Variants in CEP350 observed in about 807,000 individuals in gnomAD.
The protein encoded by CEP350 is centrosomal protein 350, also known as centrosome-associated protein 350.
Under a neutral mutation model 331.8 loss-of-function variants are expected in CEP350, and 126 were observed. The ratio of observed to expected loss-of-function variants is 0.38; its 90% CI spans 0.33 to 0.44. CEP350 has a LOEUF of 0.44. Ranked by LOEUF, CEP350 falls within the 20% of genes least tolerant of loss-of-function variation. The probability of loss-of-function intolerance (pLI) is 1.00; values close to 1 mark genes in which losing one functional copy is unlikely to be tolerated. For missense variants in CEP350, 3,406 were observed against 3,634.6 expected, an observed-to-expected ratio of 0.94 and a Z score of 1.62; for synonymous variants, 1,200 against 1,259.5, an observed-to-expected ratio of 0.95 and a Z score of 1.00.
chr1:180,009,639 C>G (rs1654496082), intron 8 of CEP350, among the ~76,000 whole-genome samples: 1 of 152,100 alleles, frequency 6.6e-6, no homozygotes, highest in South Asian at 2.1e-4. Flanking sequence ...GTATAAATTA[C>G]TATCCAGTGT....
intron 29 of CEP350, 144 bp from the exon 30 acceptor site, chr1:180,080,373 T>A: frequency 1.4e-6 from 1 of 704,136 alleles, no homozygotes; most frequent in Non-Finnish European, 2.2e-6. Context: ...GTTGAATAAT[T>A]TGTAAACTTT....
intron 6 of CEP350, among the ~76,000 whole-genome samples, chr1:180,001,793 T>C (rs1653883740): frequency 6.6e-6 from 1 of 152,170 alleles, no homozygotes; most frequent in Non-Finnish European, 1.5e-5. Context: ...ATAAATAATA[T>C]TGTCTCTCCC....
intron 1 of CEP350, chr1:179,968,683 C>T (rs2148579989): frequency 1.9e-6 from 1 of 520,120 alleles, no homozygotes; most frequent in South Asian, 1.5e-5. Context: ...ATCCAGAGGC[C>T]TTGATGTCCT....
intron 16 of CEP350, among the ~76,000 whole-genome samples, chr1:180,036,607 CA>C (rs1387327805): frequency 1.3e-5 from 2 of 152,070 alleles, no homozygotes; most frequent in African/African-American, 4.8e-5. Flanking sequence ...TTTAGCAATA[CA>C]GTATTTTTAA....
Position 180,092,642 on chromosome 1 carries a change from A to G in CEP350, c.6537A>G (p.Ser2179=), listed in dbSNP as rs1043015030. ...CTTCACTGTCTGGTTCTGAGAGATC[A>G]GTATCAGAAAGGTCTTTATCTGCAT... ...VDASLSGSER[S]VSERSLSAYA... The change falls in exon 34 of 38, where the codon TCA becomes TCG. Residue 2179 remains serine (S), a synonymous_variant. Transcript: ENST00000367607. 60 of 1,591,464 alleles carry G rather than the reference A, an allele frequency of 3.8e-5. No homozygotes were observed. The highest frequency in any genetic ancestry group is 5.0e-5 in the Non-Finnish European group (59 of 1,168,992).
chr1:179,990,888 T>C (rs558851624), intron 4 of CEP350, among the ~76,000 whole-genome samples: 2 of 152,310 alleles, frequency 1.3e-5, no homozygotes, highest in Admixed American at 6.5e-5. Context: ...GTAATAGTTT[T>C]ATTTCAGTTT....
At chr1:180,081,801 CAT>C (rs1472535572) in intron 30 of CEP350, among the ~76,000 whole-genome samples, 1 of 152,106 alleles carries the variant, frequency 6.6e-6, no homozygotes, top group Non-Finnish European at 1.5e-5. Flanking sequence ...TATGTGATAT[CAT>C]ATATCATTTA....
rs1661455416 is a variant in CEP350 at position 180,111,225 on chromosome 1, G to A, written c.*64G>A. The stretch of plus-strand genomic sequence containing the variant: ...GTCCTGGGCCTTTCTGCCTCCTGAT[G>A]TACACCCATCGCCATCATAGCAAGA... On this transcript the variant is annotated 3_prime_UTR_variant, in exon 38 of 38. Coordinates refer to ENST00000367607, the MANE Select transcript of CEP350 (RefSeq NM_014810.5). The A allele has an allele frequency of 3.2e-6, 5 of 1,571,826 alleles. No homozygotes were observed. Among genetic ancestry groups the A allele is most frequent in the South Asian group, 1.2e-5 (1 of 85,846 alleles).
rs1450800084 is a variant in CEP350, at chr1:180,079,088, G to T, written c.5979+414G>T. Among the ~76,000 whole-genome samples, 3 of 151,882 alleles carry T rather than the reference G, an allele frequency of 2.0e-5. No homozygotes were observed. The East Asian group carries it at 5.8e-4, about 29-fold the overall frequency. ...AAAGTAATGGTTTAGCCTCTTAAAG[G>T]CAGCTCTGAAACAGTTATTGATTTT... is the stretch of plus-strand genomic sequence containing the variant. On this transcript the variant is annotated intron_variant, in intron 29 of 37. Transcript: ENST00000367607.
chr1:180,090,545 C>CAAA (rs36128628), intron 32 of CEP350, among the ~76,000 whole-genome samples, 169 bp from the exon 33 acceptor site: 8 of 77,360 alleles, frequency 1.0e-4, no homozygotes, highest in Non-Finnish European at 1.4e-4. Context: ...GACTCCGTCT[C>CAAA]AAAAAAAAAA....
chr1:180,111,169 CAAAT>C lies in CEP350; in HGVS notation c.*13_*16del. On this transcript the variant is annotated 3_prime_UTR_variant, in exon 38 of 38. Coordinates refer to ENST00000367607, the MANE Select transcript of CEP350 (RefSeq NM_014810.5). The stretch of plus-strand genomic sequence containing the variant: ...AGAATGCTACTTGTGTGACATCTTG[CAAAT>C]AAATCGAACGCTGAGTGCTAATGTG... 1 of 1,613,244 alleles carries C rather than the reference CAAAT, an allele frequency of 6.2e-7. No homozygotes were observed. The highest frequency in any genetic ancestry group is 8.5e-7 in the Non-Finnish European group (1 of 1,179,352).
intron 14 of CEP350, among the ~76,000 whole-genome samples, chr1:180,028,333 G>A (rs780192907): frequency 2.6e-5 from 4 of 152,152 alleles, no homozygotes; most frequent in Non-Finnish European, 5.9e-5. Flanking sequence ...ACACAGTTTG[G>A]GAAATGCTGA....
chr1:179,965,674 G>T (rs779063721), intron 1 of CEP350, among the ~76,000 whole-genome samples: 1 of 125,860 alleles, frequency 7.9e-6, no homozygotes, highest in Non-Finnish European at 1.6e-5. Context: ...AGGCTGGAGT[G>T]CAGTTGTGCA....
intron 32 of CEP350, 53 bp downstream of exon 32, chr1:180,087,770 A>G: frequency 5.8e-6 from 8 of 1,387,158 alleles, no homozygotes; most frequent in Non-Finnish European, 7.5e-6. Context: ...AAAAGGAATA[A>G]GGGAATATTT....
chr1:180,099,780 A>ATTTTTTT (rs200255438), intron 37 of CEP350, among the ~76,000 whole-genome samples: 8 of 119,514 alleles, frequency 6.7e-5, no homozygotes, highest in South Asian at 2.7e-4. Flanking sequence ...GCCTTATTTG[A>ATTTTTTT]TTTTTTTTTT....
At chr1:180,108,542 T>C (rs376220505) in intron 37 of CEP350, among the ~76,000 whole-genome samples, 2 of 152,208 alleles carry the variant, frequency 1.3e-5, no homozygotes, top group East Asian at 3.9e-4. Context: ...AGAACTGTTA[T>C]AGAAAGGAAA....
chr1:179,997,743 CAAAG>C (rs765757852), intron 6 of CEP350, among the ~76,000 whole-genome samples: 1 of 151,938 alleles, frequency 6.6e-6, no homozygotes, highest in African/African-American at 2.4e-5. Flanking sequence ...ATACTATTTT[CAAAG>C]AACTGAAAGA....
intron 25 of CEP350, among the ~76,000 whole-genome samples, chr1:180,061,622 A>G (rs541125595): frequency 8.5e-5 from 13 of 152,352 alleles, no homozygotes; most frequent in African/African-American, 3.1e-4. Context: ...GTGTGGAGAG[A>G]TATTGGTACA....
At position 180,020,791 on chromosome 1, in the gene CEP350, TG is replaced by T; in HGVS notation, c.3018del (p.Val1008Ter). ...EEGDQDGQPL[L>X]KVAEILKEKE... ...GGAGACCAGGATGGACAGCCCCTTT[TG>T]AAAGTAGCAGAAATTTTAAAAGAAA... On this transcript the variant is annotated frameshift_variant, in exon 12 of 38. Coordinates refer to ENST00000367607, the MANE Select transcript of CEP350 (RefSeq NM_014810.5). LOFTEE classifies it high-confidence loss of function. 1.2e-6 allele frequency: 2 copies of T among 1,613,568 alleles called. No homozygotes were observed. The highest frequency in any genetic ancestry group is 1.7e-6 in the Non-Finnish European group (2 of 1,179,818).
Sources: gnomAD v4.1 joint callset for allele counts (sites outside exome capture counted in the v4.1 genomes callset) on GRCh38, gnomAD v4.1.1 for gene constraint, MANE v1.5 for transcripts, NCBI Gene and HGNC (gene_info 2026-07-23, HGNC 2026-07-21) for gene names.